The following CFAP100 variants were observed in gnomAD, a reference collection of about 807,000 sequenced individuals.
CFAP100 encodes the protein cilia and flagella associated protein 100, also known as cilia- and flagella-associated protein 100.
In CFAP100, 70 loss-of-function variants were observed where a neutral mutation model predicts 81.5. That is an observed-to-expected ratio of 0.86 (90% CI 0.71 to 1.05). The LOEUF (loss-of-function observed/expected upper bound fraction) is 1.05, where lower values mean the gene tolerates loss of function less well. Among genes scored for constraint, CFAP100 ranks in the 50% least tolerant of loss-of-function variants. The pLI is 0.00. For missense variants in CFAP100, 811 were observed against 776.5 expected (o/e 1.04, Z -0.53); for synonymous variants, 341 against 314.8 (o/e 1.08, Z -0.88).
chr3:126,402,454 C>T (rs1346970579), intron 2 of CFAP100, among the ~76,000 whole-genome samples: 4 of 152,202 alleles, frequency 2.6e-5, no homozygotes, highest in South Asian at 4.1e-4. Context: ...CAGGAAGGAA[C>T]GGTGAGGTGA....
At chr3:126,414,229 A>G in intron 4 of CFAP100, 50 bp downstream of exon 4, 1 of 1,344,010 alleles carries the variant, frequency 7.4e-7, no homozygotes, top group Non-Finnish European at 1.1e-6. Context: ...CCCTGCTCCC[A>G]CTGCTTCCTG....
intron 2 of CFAP100, among the ~76,000 whole-genome samples, chr3:126,396,905 A>T (rs145516672): frequency 0.015 from 2,288 of 152,322 alleles, 22 homozygotes; most frequent in Non-Finnish European, 0.024. Context: ...ATAGTATTCC[A>T]TGGTTCAAAA....
intron 11 of CFAP100, 108 bp from the exon 12 acceptor site, chr3:126,423,217 A>C (rs2107611590): frequency 1.2e-6 from 1 of 853,376 alleles, no homozygotes; most frequent in East Asian, 2.7e-5. Flanking sequence ...CAGCTGGGAG[A>C]GGAGGGATGG....
At chr3:126,420,363 C>A in intron 11 of CFAP100, 134 bp downstream of exon 11, 1 of 1,297,690 alleles carries the variant, frequency 7.7e-7, no homozygotes, top group Non-Finnish European at 1.0e-6. Flanking sequence ...CAAGAAGGGC[C>A]AGACAGGGAC....
chr3:126,407,359 A>G (rs2083081888), intron 3 of CFAP100, 107 bp downstream of exon 3: 3 of 628,994 alleles, frequency 4.8e-6, no homozygotes, highest in Non-Finnish European at 8.3e-6. Flanking sequence ...GGGCAGAAGG[A>G]AATGTTTCTC....
chr3:126,408,065 T>C (rs978139216), intron 3 of CFAP100, among the ~76,000 whole-genome samples: 1 of 152,206 alleles, frequency 6.6e-6, no homozygotes, highest in Non-Finnish European at 1.5e-5. Context: ...TTTATTATTA[T>C]GAAATTATAA....
At chr3:126,433,675 AG>A (rs549754314) in intron 14 of CFAP100, 316 of 197,234 alleles carry the variant, frequency 1.6e-3, no homozygotes, top group African/African-American at 6.7e-3. Flanking sequence ...GCTGTGTGCC[AG>A]GCACAGGGCC....
rs992715427 is a variant in CFAP100, at chr3:126,396,032, A to G, written c.32A>G (p.Lys11Arg). 46 of 1,614,002 alleles carry G rather than the reference A, an allele frequency of 2.9e-5. No individual in the cohort carries two copies. Among genetic ancestry groups the G allele is most frequent in the Non-Finnish European group, 3.6e-5 (42 of 1,179,964 alleles). Residue 11 changes from lysine to arginine, a missense_variant, in exon 2 of 17, where the codon AAG becomes AGG. Lys to Arg is a conservative substitution (Grantham distance 26, BLOSUM62 2). Transcript: ENST00000352312. Reference protein sequence around the residue: MSEIPSTIVSKNMTNDKNSLE... With the variant: MSEIPSTIVSRNMTNDKNSLE... Reference sequence around the variant, plus strand: ...GAGATACCGTCCACTATAGTCTCCAAGAACATGACCAATGACAGTAAGTAC... The same window carrying G: ...GAGATACCGTCCACTATAGTCTCCAGGAACATGACCAATGACAGTAAGTAC...
chr3:126,404,832 G>A (rs62264675), intron 2 of CFAP100, among the ~76,000 whole-genome samples: 32,508 of 151,920 alleles, frequency 0.21, 3,714 homozygotes, highest in African/African-American at 0.24. Flanking sequence ...ACACCACCAC[G>A]CCTGGTTAAT....
chr3:126,412,195 G>A (rs1189749657), intron 3 of CFAP100, among the ~76,000 whole-genome samples: 7 of 152,142 alleles, frequency 4.6e-5, no homozygotes, highest in Non-Finnish European at 8.8e-5. Flanking sequence ...ATTTATTTCC[G>A]TGTGTTTCTA....
chr3:126,394,991 G>A lies in CFAP100; in HGVS notation c.-60+13G>A, dbSNP rs2082863412. ...GCAGTCGGGGTCGGTGGGTGCGCTCGCGGTCCGGGGAGAGGGGGCGCGCGG... is the reference window on the plus strand; with the variant it reads ...GCAGTCGGGGTCGGTGGGTGCGCTCACGGTCCGGGGAGAGGGGGCGCGCGG... On this transcript the variant is annotated intron_variant, in intron 1 of 16. Coordinates refer to ENST00000352312, the MANE Select transcript of CFAP100 (RefSeq NM_182628.3). 2.0e-5 allele frequency: 3 copies of A among 152,580 alleles called. No individual in the cohort carries two copies. The highest frequency in any genetic ancestry group is 4.8e-5 in the African/African-American group (2 of 41,448). 9.5% of individuals were successfully genotyped at this position (152,580 alleles called of 1,614,324 possible).
chr3:126,398,504 G>T (rs906437247), intron 2 of CFAP100, among the ~76,000 whole-genome samples: 1 of 152,246 alleles, frequency 6.6e-6, no homozygotes, highest in Admixed American at 6.5e-5. Context: ...TGCCCTGCAG[G>T]CTCTCACTGC....
intron 2 of CFAP100, among the ~76,000 whole-genome samples, chr3:126,401,347 A>G (rs1271097089): frequency 1.4e-5 from 2 of 145,388 alleles, no homozygotes; most frequent in East Asian, 4.1e-4. Context: ...TTATATTTAT[A>G]TTTTACCATA....
Position 126,434,166 on chromosome 3 carries a change from T to A in CFAP100, c.1423-10T>A, listed in dbSNP as rs755735436. 2.5e-6 allele frequency: 4 copies of A among 1,596,962 alleles called. No individual in the cohort carries two copies. The highest frequency in any genetic ancestry group is 2.2e-5 in the East Asian group (1 of 44,474). Reference sequence around the variant, plus strand: ...TGCCAGCACCCTGCTGGAAGCCACCTCCTCCACAGGATAAGCTGCTAGAGA... The same window carrying A: ...TGCCAGCACCCTGCTGGAAGCCACCACCTCCACAGGATAAGCTGCTAGAGA... On this transcript the variant is annotated splice_polypyrimidine_tract_variant and intron_variant, in intron 14 of 16. Transcript: ENST00000352312.
At chr3:126,422,151 G>A (rs1043584141) in intron 11 of CFAP100, among the ~76,000 whole-genome samples, 3 of 152,224 alleles carry the variant, frequency 2.0e-5, no homozygotes, top group Non-Finnish European at 4.4e-5. Flanking sequence ...CATGGGGGCT[G>A]AAGTCCAGCC....
intron 3 of CFAP100, among the ~76,000 whole-genome samples, chr3:126,410,858 C>A (rs2083142859): frequency 1.3e-5 from 2 of 152,222 alleles, no homozygotes; most frequent in African/African-American, 4.8e-5. Context: ...TGACAAATCA[C>A]CACAAACTCA....
At chr3:126,426,131 C>T (rs1269690387) in intron 13 of CFAP100, among the ~76,000 whole-genome samples, 2 of 152,168 alleles carry the variant, frequency 1.3e-5, no homozygotes, top group Admixed American at 1.3e-4. Context: ...TCACAGATGA[C>T]ATGAATGTCT....
intron 2 of CFAP100, among the ~76,000 whole-genome samples, chr3:126,402,327 C>T (rs1457655733): frequency 6.6e-6 from 1 of 152,204 alleles, no homozygotes; most frequent in Non-Finnish European, 1.5e-5. Flanking sequence ...TGCTTACTCA[C>T]AGATCCCTAG....
intron 13 of CFAP100, among the ~76,000 whole-genome samples, chr3:126,432,009 A>C (rs1051768988): frequency 3.3e-5 from 5 of 152,144 alleles, no homozygotes; most frequent in Admixed American, 1.3e-4. Flanking sequence ...GGCCGGGCGC[A>C]GTGGCTCACA....
Sources: allele counts gnomAD v4.1 joint callset (sites outside exome capture counted in the v4.1 genomes callset), GRCh38; gene constraint gnomAD v4.1.1; transcripts MANE v1.5; gene names NCBI Gene and HGNC (gene_info 2026-07-23, HGNC 2026-07-21).